The following MAP3K15 variants were observed in gnomAD, a reference collection of about 807,000 sequenced individuals.
MAP3K15 encodes the protein MAPK/ERK kinase kinase 15.
In MAP3K15, 124 loss-of-function variants were observed where a neutral mutation model predicts 99.5. That is an observed-to-expected ratio of 1.25 (90% CI 1.08 to 1.45). The LOEUF (loss-of-function observed/expected upper bound fraction) is 1.45, where lower values mean the gene tolerates loss of function less well. Among genes scored for constraint, MAP3K15 ranks in the 40% most tolerant of loss-of-function variants. The pLI, the probability that MAP3K15 is intolerant of heterozygous loss-of-function variation, is 0.00. For synonymous variants in MAP3K15, 494 were observed against 439.6 expected, an observed-to-expected ratio of 1.12 and a Z score of -1.55; for missense variants, 1,242 against 1,079.7, an observed-to-expected ratio of 1.15 and a Z score of -2.11.
Position 19,425,409 on chromosome X carries a change from T to C in MAP3K15, c.1439+122A>G, listed in dbSNP as rs916286805. On this transcript the variant is annotated intron_variant, in intron 9 of 28. Transcript: ENST00000338883. ...AGCAAGGGAATTCTCAGAGCAGTTG[T>C]GTCTGTGCTAACTTTGCTTTAATGA... is the stretch of plus-strand genomic sequence containing the variant. 7.4e-5 allele frequency: 46 copies of C among 621,896 alleles called. 1 individual carries two copies. Among genetic ancestry groups the C allele is most frequent in the African/African-American group, 5.4e-4 (24 of 44,139 alleles). The allele number at this position is 621,896 out of a possible 1,213,427, so 51.3% of individuals were successfully genotyped here. A position where few individuals can be genotyped will look rare whatever the true frequency, so the allele number is the denominator to read the frequency against.
rs185688767 is a variant in MAP3K15, at chrX:19,427,882, G to A, written c.1167-1539C>T. Among the ~76,000 whole-genome samples, 577 of 111,043 alleles carry A rather than the reference G, an allele frequency of 5.2e-3. 6 individuals are homozygous for A. Among genetic ancestry groups the A allele is most frequent in the African/African-American group, 0.018 (561 of 30,584 alleles). On this transcript the variant is annotated intron_variant, in intron 7 of 28. Coordinates refer to ENST00000338883, the MANE Select transcript of MAP3K15 (RefSeq NM_001001671.4). ...AAATACCCTCAGATCAGAGGACACCGAGAAAGTCCTTCCTACCTTAGTCAA... is the reference window on the plus strand; with the variant it reads ...AAATACCCTCAGATCAGAGGACACCAAGAAAGTCCTTCCTACCTTAGTCAA...
rs149253594 is a variant in MAP3K15 at position 19,434,997 on chromosome X, A to G, written c.996-3389T>C. ...CTAATTGAACTAACCTGCAAACTGG[A>G]TCTCTTGTTGCACAGCCATTGTATA... On this transcript the variant is annotated intron_variant, in intron 6 of 28. Coordinates refer to ENST00000338883, the MANE Select transcript of MAP3K15 (RefSeq NM_001001671.4). Among the ~76,000 whole-genome samples, 449 of 112,229 alleles carry G rather than the reference A, an allele frequency of 4.0e-3. 3 individuals are homozygous for G. Among genetic ancestry groups the G allele is most frequent in the African/African-American group, 0.014 (418 of 30,942 alleles).
intron 1 of MAP3K15, among the ~76,000 whole-genome samples, chrX:19,502,728 G>T (rs998931013): frequency 1.6e-4 from 18 of 111,912 alleles, no homozygotes; most frequent in Admixed American, 4.7e-4. Context: ...GGCTGTGACT[G>T]GAGAATCACT....
chrX:19,447,902 A>AAAAG (rs1178139948), intron 6 of MAP3K15, among the ~76,000 whole-genome samples: 1 of 94,382 alleles, frequency 1.1e-5, no homozygotes, highest in Non-Finnish European at 2.1e-5. Flanking sequence ...AAAAAAAAAA[A>AAAAG]AAAGAAACCC....
chrX:19,370,901 G>A (rs1226686309), intron 24 of MAP3K15, 58 bp downstream of exon 24: 1 of 852,878 alleles, frequency 1.2e-6, no homozygotes, highest in Non-Finnish European at 1.7e-6. Context: ...GAATGAAGAG[G>A]ATATTTCTTA....
intron 15 of MAP3K15, among the ~76,000 whole-genome samples, chrX:19,396,901 CTTT>C (rs34707372): frequency 3.0e-5 from 3 of 99,682 alleles, no homozygotes; most frequent in South Asian, 9.0e-4. Flanking sequence ...TAAATTTAAA[CTTT>C]TTTTTTTTTT....
chrX:19,452,034 G>A (rs1252243923), intron 6 of MAP3K15, among the ~76,000 whole-genome samples: 3 of 101,699 alleles, frequency 2.9e-5, no homozygotes, highest in Non-Finnish European at 5.9e-5. Flanking sequence ...ACTCCAGCCT[G>A]GGTGACAGAG....
At chrX:19,450,788 G>A (rs1236597318) in intron 6 of MAP3K15, among the ~76,000 whole-genome samples, 3 of 108,962 alleles carry the variant, frequency 2.8e-5, no homozygotes, top group African/African-American at 9.8e-5. Flanking sequence ...AGGCCAGTGA[G>A]GAGCAATGAA....
intron 9 of MAP3K15, among the ~76,000 whole-genome samples, chrX:19,423,758 T>G (rs1483775497): frequency 8.9e-6 from 1 of 111,735 alleles, no homozygotes; most frequent in Admixed American, 9.6e-5. Flanking sequence ...TCTCTGTTTA[T>G]CTGGGACCTT....
chrX:19,515,493 G>A lies in MAP3K15; in HGVS notation c.-232C>T, dbSNP rs2064556762. 9.0e-6 allele frequency among the ~76,000 whole-genome samples: 1 copy of A among 111,226 alleles called. No individual in the cohort carries two copies. The highest frequency in any genetic ancestry group is 3.7e-4 in the South Asian group (1 of 2,669). On this transcript the variant is annotated 5_prime_UTR_variant, in exon 1 of 29. Transcript: ENST00000338883. ...CCCAAGGCCCCCAGCGCCCTTTGAAGGCCGGAGAGAAAGAGGCGGGGGCTG... is the reference window on the plus strand; with the variant it reads ...CCCAAGGCCCCCAGCGCCCTTTGAAAGCCGGAGAGAAAGAGGCGGGGGCTG...
rs1368420453 is a variant in MAP3K15, at chrX:19,431,468, T to C, written c.1136A>G (p.Asp379Gly). ...KDIFLDSDCK[D>G]DTSRDSAIEW... ...AATGGCGCTGTCGCGGCTGGTGTCA[T>C]CTTTGCAGTCTGAATCCAAGAAGAT... is the stretch of plus-strand genomic sequence containing the variant. The change falls in exon 7 of 29, where the codon GAT becomes GGT. Residue 379 changes from aspartate (D) to glycine (G), a missense_variant. Transcript: ENST00000338883. 8.3e-7 allele frequency: 1 copy of C among 1,198,510 alleles called. No homozygotes were observed. Among genetic ancestry groups the C allele is most frequent in the African/African-American group, 1.7e-5 (1 of 57,155 alleles).
intron 12 of MAP3K15, among the ~76,000 whole-genome samples, chrX:19,408,245 T>G (rs1260916752): frequency 8.9e-6 from 1 of 111,739 alleles, no homozygotes; most frequent in East Asian, 2.8e-4. Flanking sequence ...TCAGGCCCTT[T>G]GTAAATCCCC....
intron 23 of MAP3K15, 66 bp downstream of exon 23, chrX:19,371,279 A>G (rs1410372009): frequency 9.4e-7 from 1 of 1,064,644 alleles, no homozygotes; most frequent in Non-Finnish European, 1.3e-6. Flanking sequence ...GATGGGGGCT[A>G]TGGGAGGAGG....
intron 28 of MAP3K15, 124 bp downstream of exon 28, chrX:19,361,215 C>T: frequency 1.8e-6 from 1 of 569,711 alleles, no homozygotes; most frequent in South Asian, 3.4e-5. Context: ...TGGCTTTTTC[C>T]CAGCTTGAAC....
intron 6 of MAP3K15, among the ~76,000 whole-genome samples, chrX:19,452,595 G>A (rs954041158): frequency 9.0e-6 from 1 of 111,625 alleles, no homozygotes; most frequent in African/African-American, 3.3e-5. Flanking sequence ...AATGTCCATC[G>A]ACAGATGAAT....
intron 15 of MAP3K15, among the ~76,000 whole-genome samples, chrX:19,397,804 G>A (rs1187746043): frequency 3.6e-5 from 4 of 111,248 alleles, no homozygotes; most frequent in Non-Finnish European, 7.5e-5. Context: ...CTGGCCGGGC[G>A]CGGTGGCTCA....
At chrX:19,425,508 G>A in intron 9 of MAP3K15, 23 bp downstream of exon 9, 1 of 1,173,989 alleles carries the variant, frequency 8.5e-7, no homozygotes, top group Non-Finnish European at 1.1e-6. Context: ...GATGGGTGAT[G>A]ACAACACACA....
intron 7 of MAP3K15, among the ~76,000 whole-genome samples, chrX:19,429,449 T>C (rs1016094302): frequency 9.1e-6 from 1 of 110,133 alleles, no homozygotes; most frequent in Non-Finnish European, 1.9e-5. Context: ...GCAAAATGAA[T>C]CCAACACTGA....
At chrX:19,398,111 G>T in intron 15 of MAP3K15, 115 bp downstream of exon 15, 1 of 847,729 alleles carries the variant, frequency 1.2e-6, no homozygotes, top group Non-Finnish European at 1.6e-6. Flanking sequence ...GAGAATGACA[G>T]GTTTTGTGGT....
Sources: allele counts gnomAD v4.1 joint callset (sites outside exome capture counted in the v4.1 genomes callset), GRCh38; gene constraint gnomAD v4.1.1; transcripts MANE v1.5; gene names NCBI Gene and HGNC (gene_info 2026-07-23, HGNC 2026-07-21).